Variants in SMIM14 observed in about 807,000 individuals in gnomAD.
SMIM14 encodes the protein chromosome 4 open reading frame 34.
Under a neutral mutation model 12.6 loss-of-function variants are expected in SMIM14, and 5 were observed. That is an observed-to-expected ratio of 0.40 (90% CI 0.21 to 0.83). The LOEUF is 0.83. Ranked by LOEUF, SMIM14 falls within the 40% of genes least tolerant of loss-of-function variation. SMIM14 has a pLI of 0.37. For synonymous variants in SMIM14, 30 were observed against 40.1 expected (o/e 0.75, Z 0.95); for missense variants, 86 against 119.1 (o/e 0.72, Z 1.29).
intron 1 of SMIM14, among the ~76,000 whole-genome samples, chr4:39,628,016 C>A (rs566865253): frequency 2.0e-5 from 3 of 152,140 alleles, no homozygotes. Flanking sequence ...ATTTTTTAAT[C>A]CTAAAAAAAA....
At chr4:39,582,574 G>A (rs10022892) in intron 2 of SMIM14, among the ~76,000 whole-genome samples, 30,104 of 151,202 alleles carry the variant, frequency 0.2, 3,588 homozygotes, top group South Asian at 0.32. Flanking sequence ...TGAGGCAGGA[G>A]AATCGCTTGA....
intron 4 of SMIM14, among the ~76,000 whole-genome samples, chr4:39,554,830 A>ATTTTT (rs34845808): frequency 8.1e-6 from 1 of 124,018 alleles, no homozygotes; most frequent in African/African-American, 3.0e-5. Context: ...AATTCATGGA[A>ATTTTT]TTTTTTTTTT....
At chr4:39,631,725 G>C (rs1286241061) in intron 1 of SMIM14, among the ~76,000 whole-genome samples, 1 of 152,040 alleles carries the variant, frequency 6.6e-6, no homozygotes, top group Non-Finnish European at 1.5e-5. Flanking sequence ...TGACTTCTAA[G>C]TCTGGTGCAT....
At chr4:39,554,960 C>T (rs1697019635) in intron 4 of SMIM14, among the ~76,000 whole-genome samples, 2 of 150,272 alleles carry the variant, frequency 1.3e-5, no homozygotes, top group South Asian at 2.1e-4. Flanking sequence ...CTCAGCCTCC[C>T]GAGTAGCTGG....
intron 2 of SMIM14, among the ~76,000 whole-genome samples, chr4:39,590,662 C>T (rs1172673788): frequency 6.6e-6 from 1 of 151,746 alleles, no homozygotes; most frequent in African/African-American, 2.4e-5. Context: ...GTTAGCCGGG[C>T]GTGGTGGCAG....
At chr4:39,575,062 A>G (rs1020026984) in intron 2 of SMIM14, among the ~76,000 whole-genome samples, 14 of 152,008 alleles carry the variant, frequency 9.2e-5, no homozygotes, top group Admixed American at 2.6e-4. Context: ...TCTTGTTTTA[A>G]TAAGAACGAG....
At chr4:39,589,899 G>A (rs1232184061) in intron 2 of SMIM14, among the ~76,000 whole-genome samples, 1 of 151,378 alleles carries the variant, frequency 6.6e-6, no homozygotes, top group Non-Finnish European at 1.5e-5. Flanking sequence ...AATTAGCCGG[G>A]TGTGGTGGCG....
chr4:39,594,112 A>C (rs1204319296), intron 2 of SMIM14: 1 of 152,232 alleles, frequency 6.6e-6, no homozygotes, highest in African/African-American at 2.4e-5. Context: ...CCAAGCCAAA[A>C]GAACAAAGCT....
chr4:39,563,217 C>T (rs928941421), intron 3 of SMIM14, among the ~76,000 whole-genome samples: 1 of 152,036 alleles, frequency 6.6e-6, no homozygotes, highest in Non-Finnish European at 1.5e-5. Context: ...CTCGCCTCCA[C>T]ACCCGGCTAA....
intron 1 of SMIM14, among the ~76,000 whole-genome samples, chr4:39,608,436 G>T (rs1042892001): frequency 1.3e-5 from 2 of 152,196 alleles, no homozygotes; most frequent in Non-Finnish European, 2.9e-5. Flanking sequence ...ACAAAATGTG[G>T]TATACACATA....
chr4:39,548,692 A>T lies in SMIM14; in HGVS notation c.*3434T>A, dbSNP rs925080779. ...ATAGGTTTAAGAATTAAATGGAATA[A>T]TATAAATTACTAGGTCAACAAGAAT... is the stretch of plus-strand genomic sequence containing the variant. On this transcript the variant is annotated 3_prime_UTR_variant, in exon 5 of 5. Transcript: ENST00000295958. The T allele has an allele frequency of 3.9e-5, 6 of 152,380 alleles. No homozygotes were observed. Among genetic ancestry groups the T allele is most frequent in the African/African-American group, 1.2e-4 (5 of 41,590 alleles). The allele number at this position is 152,380 out of a possible 1,614,324, so 9.4% of individuals were successfully genotyped here. A position where few individuals can be genotyped will look rare whatever the true frequency, so the allele number is the denominator to read the frequency against.
intron 1 of SMIM14, among the ~76,000 whole-genome samples, chr4:39,636,173 C>CCA (rs1312532665): frequency 5.8e-4 from 44 of 76,348 alleles, no homozygotes; most frequent in African/African-American, 2.4e-3. Context: ...CTCCATCTCC[C>CCA]AAAAAAAAAA....
chr4:39,605,345 T>G (rs1714766684), intron 1 of SMIM14, among the ~76,000 whole-genome samples, 165 bp from the exon 2 acceptor site: 1 of 152,194 alleles, frequency 6.6e-6, no homozygotes, highest in Non-Finnish European at 1.5e-5. Context: ...TTATATGAAT[T>G]ATGAATCTAT....
intron 2 of SMIM14, among the ~76,000 whole-genome samples, chr4:39,598,270 T>C (rs1714456205): frequency 1.4e-5 from 2 of 147,758 alleles, no homozygotes; most frequent in African/African-American, 2.4e-5. Context: ...CTGTTTTGTG[T>C]GGTAGTTTTA....
chr4:39,560,607 C>T (rs532180230), intron 3 of SMIM14, among the ~76,000 whole-genome samples: 2 of 151,888 alleles, frequency 1.3e-5, no homozygotes, highest in Admixed American at 6.6e-5. Flanking sequence ...GATCGCGCCA[C>T]TGCACTCCAG....
chr4:39,579,855 A>AAG (rs1278211983), intron 2 of SMIM14, among the ~76,000 whole-genome samples: 19 of 151,242 alleles, frequency 1.3e-4, no homozygotes, highest in Non-Finnish European at 2.2e-4. Flanking sequence ...AAAAAAAAAA[A>AAG]AAAGAAAGAA....
intron 1 of SMIM14, among the ~76,000 whole-genome samples, chr4:39,628,720 C>CTTTT (rs541461723): frequency 7.4e-6 from 1 of 135,276 alleles, no homozygotes; most frequent in Non-Finnish European, 1.6e-5. Flanking sequence ...AAATGTTTTT[C>CTTTT]TTTTTTTTTT....
intron 2 of SMIM14, among the ~76,000 whole-genome samples, chr4:39,591,869 T>C (rs994811628): frequency 1.3e-5 from 2 of 152,126 alleles, no homozygotes; most frequent in Non-Finnish European, 2.9e-5. Context: ...CCCGGCCCTA[T>C]AATGTGTACT....
chr4:39,568,991 C>T (rs1003935998), intron 3 of SMIM14, among the ~76,000 whole-genome samples: 6 of 152,076 alleles, frequency 3.9e-5, no homozygotes, highest in Admixed American at 2.6e-4. Flanking sequence ...TGGTTATAGG[C>T]GGGGCTGGTT....
Sources: gnomAD v4.1 joint callset for allele counts (sites outside exome capture counted in the v4.1 genomes callset) on GRCh38, gnomAD v4.1.1 for gene constraint, MANE v1.5 for transcripts, NCBI Gene and HGNC (gene_info 2026-07-23, HGNC 2026-07-21) for gene names.